Variants in H1-10 observed in about 807,000 individuals in gnomAD.
The protein encoded by H1-10 is histone H1.10.
For missense variants in H1-10, 307 were observed against 297.9 expected, an observed-to-expected ratio of 1.03 and a Z score of -0.22; for synonymous variants, 191 against 140.9, an observed-to-expected ratio of 1.36 and a Z score of -2.52.
chr3:129,315,163 C>T lies in H1-10; in HGVS notation c.*98G>A, dbSNP rs2071289047. ...CTGAGGCTCAGACCAGGCCTCGCGG[C>T]CCCGGCCGGCGTGAGCCGTACAAAA... On this transcript the variant is annotated 3_prime_UTR_variant, in exon 1 of 1. Coordinates refer to ENST00000333762, the MANE Select transcript of H1-10 (RefSeq NM_006026.4). 7 of 1,115,076 alleles carry T rather than the reference C, an allele frequency of 6.3e-6. 1 individual carries two copies. Among genetic ancestry groups the T allele is most frequent in the Non-Finnish European group, 5.7e-6 (5 of 876,256 alleles). 69.1% of individuals were successfully genotyped at this position (1,115,076 alleles called of 1,614,324 possible).
In H1-10 at chr3:129,315,233, C is replaced by CGCCGGCCGCTCTG. The variant is rs766934355; in HGVS notation, c.*15_*27dup. 7.5e-7 allele frequency: 1 copy of CGCCGGCCGCTCTG among 1,330,174 alleles called. No homozygotes were observed. The highest frequency in any genetic ancestry group is 9.6e-7 in the Non-Finnish European group (1 of 1,043,698). 82.4% of individuals were successfully genotyped at this position (1,330,174 alleles called of 1,614,324 possible). A position where few individuals can be genotyped will look rare whatever the true frequency, so the allele number is the denominator to read the frequency against. Reference sequence around the variant, plus strand: ...AAAAACAAAAACACCGAAAAGCCCACGCCGGCCGCTCTGACCGGCCGACAC... The same window carrying CGCCGGCCGCTCTG: ...AAAAACAAAAACACCGAAAAGCCCACGCCGGCCGCTCTGGCCGGCCGCTCTGACCGGCCGACAC... On this transcript the variant is annotated 3_prime_UTR_variant, in exon 1 of 1. Coordinates refer to ENST00000333762, the MANE Select transcript of H1-10 (RefSeq NM_006026.4).
In H1-10 at chr3:129,315,954, C is replaced by G. The variant is rs758288851; in HGVS notation, c.-52G>C. On this transcript the variant is annotated 5_prime_UTR_variant, in exon 1 of 1. Coordinates refer to ENST00000333762, the MANE Select transcript of H1-10 (RefSeq NM_006026.4). Reference sequence around the variant, plus strand: ...GCGCGCGGAAGCCGGGGGGCCGCGCCGGGAAGAGGAAGGCGAGGGGCCGAG... The same window carrying G: ...GCGCGCGGAAGCCGGGGGGCCGCGCGGGGAAGAGGAAGGCGAGGGGCCGAG... 2.9e-6 allele frequency: 2 copies of G among 687,634 alleles called. No individual in the cohort carries two copies. Among genetic ancestry groups the G allele is most frequent in the African/African-American group, 2.6e-5 (1 of 38,740 alleles). The allele number at this position is 687,634 out of a possible 1,614,324, so 42.6% of individuals were successfully genotyped here. A position where few individuals can be genotyped will look rare whatever the true frequency, so the allele number is the denominator to read the frequency against.
chr3:129,315,789 A>C lies in H1-10; in HGVS notation c.114T>G (p.Asn38Lys), dbSNP rs1195519578. The C allele has an allele frequency of 7.5e-6, 12 of 1,604,838 alleles. No homozygotes were observed. Among genetic ancestry groups the C allele is most frequent in the Non-Finnish European group, 8.5e-6 (10 of 1,176,476 alleles). The change falls in exon 1 of 1, where the codon AAT (asparagine) becomes AAG (lysine). Residue 38 changes from asparagine to lysine, a missense_variant. Coordinates refer to ENST00000333762, the MANE Select transcript of H1-10 (RefSeq NM_006026.4). ...AALSPSKKRK[N>K]SKKKNQPGKY... ...TGCCCGGCTGGTTCTTCTTCTTGCT[A>C]TTCTTCCTCTTCTTAGATGGGGACA...
At position 129,315,184 on chromosome 3, in the gene H1-10, C is replaced by A. The variant is rs936962573; in HGVS notation, c.*77G>T. On this transcript the variant is annotated 3_prime_UTR_variant, in exon 1 of 1. Transcript: ENST00000333762. The stretch of plus-strand genomic sequence containing the variant: ...GCGGCCCCGGCCGGCGTGAGCCGTA[C>A]AAAATCTACGTCACTTGGGGTAGAA... The A allele has an allele frequency of 8.1e-7, 1 of 1,236,092 alleles. No homozygotes were observed. The highest frequency in any genetic ancestry group is 1.6e-5 in the African/African-American group (1 of 63,980). 76.6% of individuals were successfully genotyped at this position (1,236,092 alleles called of 1,614,324 possible).
chr3:129,315,320 TG>T lies in H1-10; in HGVS notation c.582del (p.Lys195ArgfsTer3). On this transcript the variant is annotated frameshift_variant, in exon 1 of 1. Coordinates refer to ENST00000333762, the MANE Select transcript of H1-10 (RefSeq NM_006026.4). LOFTEE classifies it high-confidence loss of function. ...GGCTTGGCCGCCTTCTTCACCTTCT[TG>T]CCCCCGGCGGCCGCCGTCTTCTTGG... ...GKAKKTAAAG[G>X]KKVKKAAKPS... 6.6e-7 allele frequency: 1 copy of T among 1,511,462 alleles called. No individual in the cohort carries two copies. Among genetic ancestry groups the T allele is most frequent in the Non-Finnish European group, 8.8e-7 (1 of 1,133,680 alleles). 93.6% of individuals were successfully genotyped at this position (1,511,462 alleles called of 1,614,324 possible).
At position 129,315,788 on chromosome 3, in the gene H1-10, T is replaced by C; in HGVS notation, c.115A>G (p.Ser39Gly). 2 of 1,605,248 alleles carry C rather than the reference T, an allele frequency of 1.2e-6. No homozygotes were observed. The highest frequency in any genetic ancestry group is 4.5e-5 in the East Asian group (2 of 44,508). ...ALSPSKKRKNSKKKNQPGKYS... is the reference protein window; with the variant it reads ...ALSPSKKRKNGKKKNQPGKYS... ...TTGCCCGGCTGGTTCTTCTTCTTGC[T>C]ATTCTTCCTCTTCTTAGATGGGGAC... is the stretch of plus-strand genomic sequence containing the variant. Residue 39 changes from serine to glycine, a missense_variant, in exon 1 of 1, where the codon AGC becomes GGC. Coordinates refer to ENST00000333762, the MANE Select transcript of H1-10 (RefSeq NM_006026.4).
rs1577001753 is a variant in H1-10 at position 129,315,542 on chromosome 3, G to A, written c.361C>T (p.Leu121=). ...NGSFKLNRKK[L]EGGGERRGAP... is the part of the protein sequence containing the mutation. ...CCGCGCCGCTCCCCGCCGCCCTCCA[G>A]CTTCTTGCGGTTGAGCTTGAAGGAA... The change falls in exon 1 of 1, where the codon CTG becomes TTG. Residue 121 remains leucine, a synonymous_variant. Transcript: ENST00000333762. The A allele has an allele frequency of 3.2e-6, 5 of 1,545,064 alleles. No individual in the cohort carries two copies. Among genetic ancestry groups the A allele is most frequent in the Non-Finnish European group, 4.4e-6 (5 of 1,146,478 alleles).
rs1275090488 is a variant in H1-10 at position 129,315,475 on chromosome 3, T to C, written c.428A>G (p.Lys143Arg). The C allele has an allele frequency of 6.7e-7, 1 of 1,501,328 alleles. No individual in the cohort carries two copies. Among genetic ancestry groups the C allele is most frequent in the South Asian group, 1.3e-5 (1 of 79,776 alleles). The allele number at this position is 1,501,328 out of a possible 1,614,324, so 93.0% of individuals were successfully genotyped here. A position where few individuals can be genotyped will look rare whatever the true frequency, so the allele number is the denominator to read the frequency against. ...CGCGCCCGGGGCTGCCTTCTTCGCTTTGTGCGCGGTGGGGGCCGGGGCGGT... is the reference window on the plus strand; with the variant it reads ...CGCGCCCGGGGCTGCCTTCTTCGCTCTGTGCGCGGTGGGGGCCGGGGCGGT... ...AATAPAPTAH[K>R]AKKAAPGAAG... The change falls in exon 1 of 1, where the codon AAA (lysine) becomes AGA (arginine). Residue 143 changes from lysine to arginine, a missense_variant. Lys to Arg is a conservative substitution (Grantham distance 26). Coordinates refer to ENST00000333762, the MANE Select transcript of H1-10 (RefSeq NM_006026.4).
Position 129,315,523 on chromosome 3 carries a change from C to G in H1-10, c.380G>C (p.Arg127Pro). 2 of 1,538,212 alleles carry G rather than the reference C, an allele frequency of 1.3e-6. No individual in the cohort carries two copies. The highest frequency in any genetic ancestry group is 1.7e-6 in the Non-Finnish European group (2 of 1,145,062). Reference sequence around the variant, plus strand: ...GGTGGCGGCCGCCGGGGCTCCGCGCCGCTCCCCGCCGCCCTCCAGCTTCTT... The same window carrying G: ...GGTGGCGGCCGCCGGGGCTCCGCGCGGCTCCCCGCCGCCCTCCAGCTTCTT... ...NRKKLEGGGE[R>P]RGAPAAATAP... Residue 127 changes from arginine (R) to proline (P), a missense_variant, in exon 1 of 1, where the codon CGG becomes CCG. By Grantham distance (103) the Arg-to-Pro change is moderately radical. Transcript: ENST00000333762.
rs974904196 is a variant in H1-10, at chr3:129,314,992, G to C, written c.*269C>G. The C allele has an allele frequency of 6.8e-5, 19 of 280,516 alleles. No homozygotes were observed. The highest frequency in any genetic ancestry group is 4.2e-4 in the African/African-American group (19 of 45,714). The allele number at this position is 280,516 out of a possible 1,614,324, so 17.4% of individuals were successfully genotyped here. A position where few individuals can be genotyped will look rare whatever the true frequency, so the allele number is the denominator to read the frequency against. On this transcript the variant is annotated 3_prime_UTR_variant, in exon 1 of 1. Coordinates refer to ENST00000333762, the MANE Select transcript of H1-10 (RefSeq NM_006026.4). ...GCGCGGCCTCGGCCATCGGCGCCTA[G>C]GGGCCAGTAACCATGACGACGGCCG...
Position 129,315,510 on chromosome 3 carries a change from C to G in H1-10, c.393G>C (p.Pro131=). ...LEGGGERRGA[P]AAATAPAPTA... is the part of the protein sequence containing the mutation. ...TGGGGGCCGGGGCGGTGGCGGCCGC[C>G]GGGGCTCCGCGCCGCTCCCCGCCGC... The change falls in exon 1 of 1, where the codon CCG becomes CCC. Residue 131 remains proline (P), a synonymous_variant. Coordinates refer to ENST00000333762, the MANE Select transcript of H1-10 (RefSeq NM_006026.4). 6.5e-7 allele frequency: 1 copy of G among 1,533,170 alleles called. No homozygotes were observed. Among genetic ancestry groups the G allele is most frequent in the Middle Eastern group, 2.0e-4 (1 of 4,998 alleles). 95.0% of individuals were successfully genotyped at this position (1,533,170 alleles called of 1,614,324 possible).
At position 129,315,891 on chromosome 3, in the gene H1-10, C is replaced by G; in HGVS notation, c.12G>C (p.Glu4Asp). MSV[E>D]LEEALPVTTA... ...TCGTCACTGGCAGGGCCTCCTCGAG[C>G]TCCACGGACATGGTAGCAAGAGGAT... is the stretch of plus-strand genomic sequence containing the variant. The change falls in exon 1 of 1, where the codon GAG (glutamate) becomes GAC (aspartate). Residue 4 changes from glutamate to aspartate, a missense_variant. Physicochemically the swap from Glu to Asp is conservative, Grantham distance 45. Coordinates refer to ENST00000333762, the MANE Select transcript of H1-10 (RefSeq NM_006026.4). 1 of 1,590,968 alleles carries G rather than the reference C, an allele frequency of 6.3e-7. No homozygotes were observed. The highest frequency in any genetic ancestry group is 1.7e-5 in the Admixed American group (1 of 57,244).
chr3:129,315,115 C>A lies in H1-10; in HGVS notation c.*146G>T. On this transcript the variant is annotated 3_prime_UTR_variant, in exon 1 of 1. Coordinates refer to ENST00000333762, the MANE Select transcript of H1-10 (RefSeq NM_006026.4). ...CTACATCGTTGGGGGAGGGGAAAGA[C>A]TGAGAGGACCCGGGGCCCCTCCCTG... 1.8e-6 allele frequency: 1 copy of A among 568,032 alleles called. No individual in the cohort carries two copies. Among genetic ancestry groups the A allele is most frequent in the Non-Finnish European group, 2.6e-6 (1 of 380,720 alleles). The allele number at this position is 568,032 out of a possible 1,614,324, so 35.2% of individuals were successfully genotyped here. A position where few individuals can be genotyped will look rare whatever the true frequency, so the allele number is the denominator to read the frequency against.
Position 129,315,870 on chromosome 3 carries a change from C to G in H1-10, c.33G>C (p.Val11=). 6.3e-7 allele frequency: 1 copy of G among 1,597,158 alleles called. No individual in the cohort carries two copies. Among genetic ancestry groups the G allele is most frequent in the Non-Finnish European group, 8.5e-7 (1 of 1,172,388 alleles). Residue 11 remains valine, a synonymous_variant, in exon 1 of 1, where the codon GTG becomes GTC. Transcript: ENST00000333762. ...TCTTGGCCATTCCCTCGGCGGTCGT[C>G]ACTGGCAGGGCCTCCTCGAGCTCCA... MSVELEEALP[V]TTAEGMAKKV...
Position 129,315,054 on chromosome 3 carries a change from G to A in H1-10, c.*207C>T. 2.5e-6 allele frequency: 1 copy of A among 397,420 alleles called. No homozygotes were observed. Among genetic ancestry groups the A allele is most frequent in the East Asian group, 3.8e-5 (1 of 26,502 alleles). The allele number at this position is 397,420 out of a possible 1,614,324, so 24.6% of individuals were successfully genotyped here. A position where few individuals can be genotyped will look rare whatever the true frequency, so the allele number is the denominator to read the frequency against. ...GAGAGCCAATAGAGGCGTCGCCGGGGCTGTTTCAAAAACCTAAAGCAAACA... is the reference window on the plus strand; with the variant it reads ...GAGAGCCAATAGAGGCGTCGCCGGGACTGTTTCAAAAACCTAAAGCAAACA... On this transcript the variant is annotated 3_prime_UTR_variant, in exon 1 of 1. Transcript: ENST00000333762.
chr3:129,315,296 G>A lies in H1-10; in HGVS notation c.607C>T (p.Pro203Ser). The A allele has an allele frequency of 6.7e-7, 1 of 1,481,912 alleles. No individual in the cohort carries two copies. The highest frequency in any genetic ancestry group is 8.9e-7 in the Non-Finnish European group (1 of 1,117,802). 91.8% of individuals were successfully genotyped at this position (1,481,912 alleles called of 1,614,324 possible). A position where few individuals can be genotyped will look rare whatever the true frequency, so the allele number is the denominator to read the frequency against. ...CCCTTGGGCACTTTGGGGACGCTGG[G>A]CTTGGCCGCCTTCTTCACCTTCTTG... ...GGKKVKKAAK[P>S]SVPKVPKGRK The change falls in exon 1 of 1, where the codon CCC (proline) becomes TCC (serine). Residue 203 changes from proline to serine, a missense_variant. Transcript: ENST00000333762.
Position 129,315,363 on chromosome 3 carries a change from C to G in H1-10, c.540G>C (p.Lys180Asn). The G allele has an allele frequency of 1.9e-6, 3 of 1,546,688 alleles. No individual in the cohort carries two copies. Among genetic ancestry groups the G allele is most frequent in the Non-Finnish European group, 2.6e-6 (3 of 1,152,662 alleles). Residue 180 changes from lysine to asparagine, a missense_variant, in exon 1 of 1, where the codon AAG becomes AAC. Coordinates refer to ENST00000333762, the MANE Select transcript of H1-10 (RefSeq NM_006026.4). The part of the protein sequence containing the change: ...RSHKKGAGAK[K>N]DKGGKAKKTA... ...TCTTCTTGGCCTTGCCGCCTTTGTC[C>G]TTCTTGGCGCCAGCGCCCTTCTTGT...
Position 129,315,461 on chromosome 3 carries a change from C to A in H1-10, c.442G>T (p.Ala148Ser), listed in dbSNP as rs11537835. The change falls in exon 1 of 1, where the codon GCC (alanine) becomes TCC (serine). Residue 148 changes from alanine (A) to serine (S), a missense_variant. By Grantham distance (99) the Ala-to-Ser change is moderately conservative (BLOSUM62 1). Transcript: ENST00000333762. ...CGCCGGGAGCCGGCCGCGCCCGGGG[C>A]TGCCTTCTTCGCTTTGTGCGCGGTG... ...APTAHKAKKAAPGAAGSRRAD... is the reference protein window; with the variant it reads ...APTAHKAKKASPGAAGSRRAD... 2.7e-6 allele frequency: 4 copies of A among 1,502,736 alleles called. No individual in the cohort carries two copies. Among genetic ancestry groups the A allele is most frequent in the South Asian group, 2.5e-5 (2 of 79,808 alleles). 93.1% of individuals were successfully genotyped at this position (1,502,736 alleles called of 1,614,324 possible).
Position 129,315,396 on chromosome 3 carries a change from C to T in H1-10, c.507G>A (p.Gln169=). ...CGCCAGCGCCCTTCTTGTGCGAGCG[C>T]TGCTCCGGCTTCTGGCCCCTGGCGG... ...KKPARGQKPE[Q]RSHKKGAGAK... The change falls in exon 1 of 1, where the codon CAG becomes CAA. Residue 169 remains glutamine, a synonymous_variant. Transcript: ENST00000333762. The T allele has an allele frequency of 1.3e-6, 2 of 1,535,790 alleles. No homozygotes were observed. Among genetic ancestry groups the T allele is most frequent in the Non-Finnish European group, 1.7e-6 (2 of 1,147,226 alleles).
Sources: allele counts gnomAD v4.1 joint callset, GRCh38; gene constraint gnomAD v4.1.1; transcripts MANE v1.5; gene names NCBI Gene and HGNC (gene_info 2026-07-23, HGNC 2026-07-21).